MAN1A1: variants seen among roughly 807,000 people sequenced by gnomAD.
MAN1A1 encodes mannosyl-oligosaccharide 1,2-alpha-mannosidase IA.
Under a neutral mutation model 70.8 loss-of-function variants are expected in MAN1A1, and 29 were observed. The observed-to-expected ratio is 0.41, with a 90% CI of 0.31 to 0.56. MAN1A1 has a LOEUF of 0.56. MAN1A1 is among the 20% of genes least tolerant of loss of function. The pLI is 0.29. For missense variants in MAN1A1, 747 were observed against 841.3 expected (o/e 0.89, Z 1.39); for synonymous variants, 349 against 330.1 (o/e 1.06, Z -0.62).
intron 5 of MAN1A1, among the ~76,000 whole-genome samples, chr6:119,274,923 T>A (rs1582757234): frequency 6.6e-6 from 1 of 152,326 alleles, no homozygotes; most frequent in East Asian, 1.9e-4. Context: ...ATATTAAAAA[T>A]TCAAGGACAG....
At chr6:119,286,995 A>C (rs1293217610) in intron 5 of MAN1A1, among the ~76,000 whole-genome samples, 1 of 151,984 alleles carries the variant, frequency 6.6e-6, no homozygotes, top group Non-Finnish European at 1.5e-5. Context: ...AATTATCTAT[A>C]CTTCCTTATA....
intron 9 of MAN1A1, among the ~76,000 whole-genome samples, chr6:119,191,129 T>C (rs983192384): frequency 1.3e-5 from 2 of 152,232 alleles, no homozygotes; most frequent in African/African-American, 4.8e-5. Context: ...ATTACTGTGC[T>C]CATTAACCGT....
At chr6:119,221,472 C>T (rs78202801) in intron 6 of MAN1A1, among the ~76,000 whole-genome samples, 32 of 130,310 alleles carry the variant, frequency 2.5e-4, no homozygotes, top group South Asian at 4.9e-4. Context: ...ATTTTCTTTT[C>T]TTTTTTTTTT....
chr6:119,336,605 G>A (rs922973907), intron 2 of MAN1A1, among the ~76,000 whole-genome samples: 6 of 152,152 alleles, frequency 3.9e-5, no homozygotes, highest in Admixed American at 3.9e-4. Context: ...CACTTTTCAG[G>A]AGAAACAATA....
intron 5 of MAN1A1, among the ~76,000 whole-genome samples, chr6:119,250,132 C>G (rs1407436849): frequency 2.0e-5 from 3 of 152,182 alleles, no homozygotes; most frequent in Admixed American, 6.5e-5. Context: ...CTCTGCCTTA[C>G]CCCAGAGAAA....
rs1471648248 is a variant in MAN1A1 at position 119,232,099 on chromosome 6, C to T, written c.992+16161G>A. On this transcript the variant is annotated intron_variant, in intron 6 of 12. Coordinates refer to ENST00000368468, the MANE Select transcript of MAN1A1 (RefSeq NM_005907.4). Reference sequence around the variant, plus strand: ...TTTAAAAATAACACTGGAGGCTGGGCGTGGTGGCTTACGCCTGTAATCCAG... The same window carrying T: ...TTTAAAAATAACACTGGAGGCTGGGTGTGGTGGCTTACGCCTGTAATCCAG... Among the ~76,000 whole-genome samples the T allele has an allele frequency of 3.9e-5, 6 of 152,180 alleles. No homozygotes were observed. The East Asian group carries it at 5.8e-4, about 15-fold the overall frequency.
intron 6 of MAN1A1, among the ~76,000 whole-genome samples, chr6:119,219,487 A>G (rs561773771): frequency 6.6e-6 from 1 of 152,328 alleles, no homozygotes; most frequent in East Asian, 1.9e-4. Flanking sequence ...CAAATGGAAT[A>G]ATACACATGA....
chr6:119,273,098 T>C (rs762265016), intron 5 of MAN1A1, among the ~76,000 whole-genome samples: 1 of 152,140 alleles, frequency 6.6e-6, no homozygotes, highest in Admixed American at 6.5e-5. Flanking sequence ...GTTAAAAAAA[T>C]TTAAATCTTT....
At chr6:119,298,084 A>G (rs1037065122) in intron 4 of MAN1A1, among the ~76,000 whole-genome samples, 1 of 152,190 alleles carries the variant, frequency 6.6e-6, no homozygotes, top group Non-Finnish European at 1.5e-5. Flanking sequence ...TACTTAGTAA[A>G]TAACACATGA....
At chr6:119,184,720 C>T (rs866382424) in intron 11 of MAN1A1, among the ~76,000 whole-genome samples, 2 of 151,700 alleles carry the variant, frequency 1.3e-5, no homozygotes, top group African/African-American at 4.9e-5. Flanking sequence ...AAAAAAACCC[C>T]CTAAAGCCAA....
intron 2 of MAN1A1, among the ~76,000 whole-genome samples, chr6:119,315,533 G>A (rs780876776): frequency 1.3e-5 from 2 of 152,010 alleles, no homozygotes; most frequent in South Asian, 4.1e-4. Flanking sequence ...CTTTTTTTAT[G>A]GCCAAATTTT....
chr6:119,293,561 T>C (rs1772109539), intron 4 of MAN1A1, among the ~76,000 whole-genome samples: 1 of 152,120 alleles, frequency 6.6e-6, no homozygotes, highest in Admixed American at 6.6e-5. Flanking sequence ...AGTTCTCAAG[T>C]CACCATCTTC....
chr6:119,186,852 C>T (rs935205229), intron 11 of MAN1A1, among the ~76,000 whole-genome samples: 1 of 152,168 alleles, frequency 6.6e-6, no homozygotes, highest in Non-Finnish European at 1.5e-5. Context: ...ATGCAAGACC[C>T]TACAGCACTC....
At chr6:119,290,111 G>C (rs1471094488) in intron 5 of MAN1A1, among the ~76,000 whole-genome samples, 1 of 151,944 alleles carries the variant, frequency 6.6e-6, no homozygotes, top group Non-Finnish European at 1.5e-5. Context: ...ATAAAAGGCA[G>C]CTAAATTTAA....
intron 4 of MAN1A1, among the ~76,000 whole-genome samples, chr6:119,291,383 C>T (rs777607210): frequency 1.3e-5 from 2 of 151,930 alleles, no homozygotes; most frequent in Non-Finnish European, 2.9e-5. Context: ...AGTGTGAAAA[C>T]GGACTAATGC....
intron 8 of MAN1A1, among the ~76,000 whole-genome samples, chr6:119,200,389 T>A (rs1328640980): frequency 3.3e-5 from 5 of 152,190 alleles, no homozygotes; most frequent in Non-Finnish European, 4.4e-5. Context: ...GCTACAGACA[T>A]ATTTTAGCAT....
chr6:119,204,624 T>C (rs1202484699), intron 7 of MAN1A1, 135 bp downstream of exon 7: 3 of 1,075,146 alleles, frequency 2.8e-6, no homozygotes, highest in Non-Finnish European at 2.7e-6. Flanking sequence ...AAATGCTGCA[T>C]GTTGCAAAAC....
intron 6 of MAN1A1, among the ~76,000 whole-genome samples, chr6:119,222,866 C>T (rs1334331469): frequency 6.6e-6 from 1 of 152,178 alleles, no homozygotes; most frequent in East Asian, 1.9e-4. Context: ...CCCATAATCT[C>T]TCTCCTTCCT....
intron 4 of MAN1A1, among the ~76,000 whole-genome samples, chr6:119,300,596 GT>G (rs1485033671): frequency 6.6e-6 from 1 of 151,980 alleles, no homozygotes; most frequent in Non-Finnish European, 1.5e-5. Flanking sequence ...AAATGAAACC[GT>G]TTTTTTCCAG....
Sources: gnomAD v4.1 joint callset for allele counts (sites outside exome capture counted in the v4.1 genomes callset) on GRCh38, gnomAD v4.1.1 for gene constraint, MANE v1.5 for transcripts, NCBI Gene and HGNC (gene_info 2026-07-23, HGNC 2026-07-21) for gene names.